The following MACROD2 variants were observed in gnomAD, a reference collection of about 807,000 sequenced individuals.
MACROD2 encodes the protein mono-ADP ribosylhydrolase 2, also known as ADP-ribose glycohydrolase MACROD2.
In MACROD2, 36 loss-of-function variants were observed where a neutral mutation model predicts 70.4. The ratio of observed to expected loss-of-function variants is 0.51; its 90% CI spans 0.39 to 0.68. The LOEUF is 0.68. Ranked by LOEUF, MACROD2 falls within the 30% of genes least tolerant of loss-of-function variation. The pLI is 0.00. For synonymous variants in MACROD2, 172 were observed against 178.8 expected, an observed-to-expected ratio of 0.96 and a Z score of 0.30; for missense variants, 496 against 538.4, an observed-to-expected ratio of 0.92 and a Z score of 0.78.
At chr20:14,757,901 G>A in intron 5 of MACROD2, 1 of 1,305,432 alleles carries the variant, frequency 7.7e-7, no homozygotes, top group South Asian at 1.2e-5. Context: ...TGAGTGACCT[G>A]CAAGACTCAC....
chr20:14,384,535 A>G (rs916310875), intron 3 of MACROD2, among the ~76,000 whole-genome samples: 2 of 152,140 alleles, frequency 1.3e-5, no homozygotes, highest in Non-Finnish European at 2.9e-5. Flanking sequence ...GCCAATCTAC[A>G]TTCCATTGCA....
chr20:15,750,587 T>G (rs1420552534), intron 8 of MACROD2, among the ~76,000 whole-genome samples: 1 of 151,684 alleles, frequency 6.6e-6, no homozygotes, highest in Non-Finnish European at 1.5e-5. Context: ...AAATACAATA[T>G]AATCCAGCAA....
chr20:14,383,453 G>T (rs4052955), intron 3 of MACROD2, among the ~76,000 whole-genome samples: 150,514 of 152,314 alleles, frequency 0.99, 74,388 homozygotes, highest in Middle Eastern at 1. Flanking sequence ...ATTCAAATTT[G>T]GACTTCTGTC....
intron 5 of MACROD2, among the ~76,000 whole-genome samples, chr20:15,049,948 AG>A (rs1043049899): frequency 4.3e-4 from 64 of 150,098 alleles, no homozygotes; most frequent in African/African-American, 1.5e-3. Context: ...ACTCTGTCTC[AG>A]GAAAAAAAAA....
chr20:15,413,963 G>A (rs1452525412), intron 6 of MACROD2, among the ~76,000 whole-genome samples: 2 of 152,074 alleles, frequency 1.3e-5, no homozygotes, highest in African/African-American at 2.4e-5. Flanking sequence ...ATATGTTAAC[G>A]TACATGTGGT....
chr20:15,560,747 G>A (rs1229398211), intron 8 of MACROD2, among the ~76,000 whole-genome samples: 1 of 117,994 alleles, frequency 8.5e-6, no homozygotes, highest in African/African-American at 3.2e-5. Context: ...TGGGCCACAG[G>A]GCATAACAAA....
At chr20:14,843,271 G>A (rs2073106155) in intron 5 of MACROD2, among the ~76,000 whole-genome samples, 1 of 150,280 alleles carries the variant, frequency 6.7e-6, no homozygotes, top group South Asian at 2.1e-4. Context: ...GCCTCTGAAG[G>A]AAATATTAGA....
At chr20:15,588,229 C>G (rs552855873) in intron 8 of MACROD2, among the ~76,000 whole-genome samples, 2 of 152,274 alleles carry the variant, frequency 1.3e-5, no homozygotes, top group South Asian at 4.1e-4. Context: ...TATATTGGCC[C>G]CTTTCAGCCA....
At chr20:15,445,276 G>C (rs1197378135) in intron 7 of MACROD2, among the ~76,000 whole-genome samples, 1 of 152,126 alleles carries the variant, frequency 6.6e-6, no homozygotes, top group Non-Finnish European at 1.5e-5. Flanking sequence ...GAGTTCAGCT[G>C]TCTGGAAATG....
chr20:14,091,230 G>A (rs1263566491), intron 3 of MACROD2, among the ~76,000 whole-genome samples: 3 of 152,116 alleles, frequency 2.0e-5, no homozygotes. Flanking sequence ...TTGCTGGGCA[G>A]AAGTTTTTTA....
At chr20:15,592,817 A>C (rs1244739671) in intron 8 of MACROD2, among the ~76,000 whole-genome samples, 1 of 152,212 alleles carries the variant, frequency 6.6e-6, no homozygotes, top group Admixed American at 6.5e-5. Flanking sequence ...AGTGGTGAAA[A>C]CATCTAAAGT....
rs756066008 is a variant in MACROD2 at position 14,753,860 on chromosome 20, A to AAT, written c.418+68914_418+68915dup. On this transcript the variant is annotated intron_variant, in intron 5 of 17. Coordinates refer to ENST00000684519, the MANE Select transcript of MACROD2 (RefSeq NM_001351661.2). ...CAATTTGAGGACTTAGGTACTTACA[A>AAT]ATATATATATATATCCATCCCCTAA... 9.0e-4 allele frequency among the ~76,000 whole-genome samples: 137 copies of AAT among 151,468 alleles called. 2 individuals are homozygous for AAT. In the Middle Eastern group the frequency reaches 0.014, roughly 15 times the overall value.
Position 15,217,771 on chromosome 20 carries a change from G to GT in MACROD2, c.419-12160dup, listed in dbSNP as rs553248548. Among the ~76,000 whole-genome samples, 19 of 151,270 alleles carry GT rather than the reference G, an allele frequency of 1.3e-4. No individual in the cohort carries two copies. The South Asian group carries it at 1.3e-3, about 10-fold the overall frequency. On this transcript the variant is annotated intron_variant, in intron 5 of 17. Coordinates refer to ENST00000684519, the MANE Select transcript of MACROD2 (RefSeq NM_001351661.2). ...GTCACCAGATATTATTTATTTTCAGGTTTTTTTTTCTTTTTAAACCTGATA... is the reference window on the plus strand; with the variant it reads ...GTCACCAGATATTATTTATTTTCAGGTTTTTTTTTTCTTTTTAAACCTGATA...
intron 4 of MACROD2, among the ~76,000 whole-genome samples, chr20:14,674,172 G>C (rs980605035): frequency 1.6e-4 from 25 of 151,908 alleles, no homozygotes; most frequent in Admixed American, 4.6e-4. Flanking sequence ...TATTCATTTG[G>C]GTCCCAAGGA....
At chr20:14,535,370 T>G (rs2085351028) in intron 4 of MACROD2, among the ~76,000 whole-genome samples, 2 of 151,806 alleles carry the variant, frequency 1.3e-5, no homozygotes, top group African/African-American at 2.4e-5. Context: ...CTGGGCGTAG[T>G]GGCGGGCACT....
intron 10 of MACROD2, among the ~76,000 whole-genome samples, chr20:15,891,894 G>A (rs6135590): frequency 0.12 from 18,260 of 152,168 alleles, 1,341 homozygotes; most frequent in East Asian, 0.34. Flanking sequence ...TATTAGTGCT[G>A]TGAAGTGTGG....
intron 5 of MACROD2, among the ~76,000 whole-genome samples, chr20:14,733,331 G>C (rs2071620199): frequency 1.3e-5 from 2 of 152,200 alleles, no homozygotes; most frequent in South Asian, 4.1e-4. Flanking sequence ...GTGATACTTT[G>C]ATTGGTGATA....
At chr20:15,674,591 C>A (rs2050029152) in intron 8 of MACROD2, among the ~76,000 whole-genome samples, 1 of 152,058 alleles carries the variant, frequency 6.6e-6, no homozygotes, top group Admixed American at 6.6e-5. Flanking sequence ...TCATTAACAC[C>A]TTGAGTTGAA....
chr20:14,607,706 G>T (rs73260839), intron 4 of MACROD2, among the ~76,000 whole-genome samples: 3 of 152,040 alleles, frequency 2.0e-5, no homozygotes, highest in African/African-American at 4.8e-5. Context: ...GCTACATGAC[G>T]GTCAGGCTAG....
Sources: allele counts gnomAD v4.1 joint callset (sites outside exome capture counted in the v4.1 genomes callset), GRCh38; gene constraint gnomAD v4.1.1; transcripts MANE v1.5; gene names NCBI Gene and HGNC (gene_info 2026-07-23, HGNC 2026-07-21).